The following MCTP1 variants were observed in gnomAD, a reference collection of about 807,000 sequenced individuals.
MCTP1 encodes multiple C2 and transmembrane domain-containing protein 1.
In MCTP1, 69 loss-of-function variants were observed where a neutral mutation model predicts 120.6. That is an observed-to-expected ratio of 0.57 (90% CI 0.47 to 0.70). The LOEUF (loss-of-function observed/expected upper bound fraction) is 0.70, where lower values mean the gene tolerates loss of function less well. MCTP1 is among the 30% of genes least tolerant of loss of function. The probability of loss-of-function intolerance (pLI) is 0.00; values close to 1 mark genes in which losing one functional copy is unlikely to be tolerated. For synonymous variants in MCTP1, 529 were observed against 493.1 expected, an observed-to-expected ratio of 1.07 and a Z score of -0.96; for missense variants, 1,203 against 1,248.8, an observed-to-expected ratio of 0.96 and a Z score of 0.55.
chr5:94,931,113 T>C (rs1814547129), intron 6 of MCTP1: 1 of 152,036 alleles, frequency 6.6e-6, no homozygotes, highest in Non-Finnish European at 1.5e-5. Context: ...TTTTGATATA[T>C]ATTAATTCAC....
chr5:95,283,744 C>T, intron 1 of MCTP1, 112 bp downstream of exon 1: 3 of 770,286 alleles, frequency 3.9e-6, no homozygotes, highest in Non-Finnish European at 5.5e-6. Context: ...GAATTAATAG[C>T]ATTTCTCCTC....
At chr5:95,074,733 G>C (rs1015385100) in intron 1 of MCTP1, among the ~76,000 whole-genome samples, 1 of 152,130 alleles carries the variant, frequency 6.6e-6, no homozygotes, top group Non-Finnish European at 1.5e-5. Context: ...TCTACGTAGG[G>C]CGTAAAATAT....
intron 1 of MCTP1, among the ~76,000 whole-genome samples, chr5:95,035,180 A>G (rs1014698311): frequency 2.6e-5 from 4 of 151,998 alleles, no homozygotes; most frequent in African/African-American, 4.8e-5. Flanking sequence ...CAAAGAACTA[A>G]AAATAAAGCT....
At chr5:94,920,272 GTTTTT>G (rs5869657) in intron 7 of MCTP1, among the ~76,000 whole-genome samples, 1 of 128,226 alleles carries the variant, frequency 7.8e-6, no homozygotes, top group Non-Finnish European at 1.7e-5. Flanking sequence ...ACAGAGACCT[GTTTTT>G]TTTTTTTTTT....
chr5:95,226,749 C>T (rs956597317), intron 1 of MCTP1, among the ~76,000 whole-genome samples: 1 of 152,090 alleles, frequency 6.6e-6, no homozygotes, highest in South Asian at 2.1e-4. Context: ...CAAATGTTCA[C>T]CAAAACCTAA....
At chr5:95,069,530 G>A in intron 1 of MCTP1, among the ~76,000 whole-genome samples, 1 of 152,156 alleles carries the variant, frequency 6.6e-6, no homozygotes, top group African/African-American at 2.4e-5. Flanking sequence ...ACCCGCAAGG[G>A]TGCAGAATCT....
chr5:95,011,613 ACT>A (rs141947399), intron 2 of MCTP1, among the ~76,000 whole-genome samples: 2 of 149,984 alleles, frequency 1.3e-5, no homozygotes, highest in African/African-American at 2.5e-5. Context: ...TTCCTCCCTC[ACT>A]CTCTCTCTCT....
intron 1 of MCTP1, among the ~76,000 whole-genome samples, chr5:95,098,660 T>G (rs564892167): frequency 6.6e-6 from 1 of 151,788 alleles, no homozygotes; most frequent in East Asian, 1.9e-4. Context: ...TGCTCATGGG[T>G]AGGAAGAATC....
At chr5:94,857,184 C>G (rs1490130470) in intron 17 of MCTP1, among the ~76,000 whole-genome samples, 1 of 151,688 alleles carries the variant, frequency 6.6e-6, no homozygotes, top group Non-Finnish European at 1.5e-5. Context: ...GCTTTAACTT[C>G]AAGTTTTGCT....
At position 94,909,407 on chromosome 5, in the gene MCTP1, T is replaced by G. The variant is rs116250510; in HGVS notation, c.1522-26A>C. Reference sequence around the variant, plus strand: ...CTGGAAAAAAAAATCATAATTGTCATATTGCTAGCAGCTTTTTAAAAAAAA... The same window carrying G: ...CTGGAAAAAAAAATCATAATTGTCAGATTGCTAGCAGCTTTTTAAAAAAAA... On this transcript the variant is annotated intron_variant, in intron 9 of 22. Coordinates refer to ENST00000515393, the MANE Select transcript of MCTP1 (RefSeq NM_024717.7). 2,039 of 1,568,048 alleles carry G rather than the reference T, an allele frequency of 1.3e-3. 18 individuals carry two copies. In the African/African-American group the frequency reaches 0.022, roughly 17 times the overall value.
At chr5:94,727,963 G>A (rs995574807) in intron 19 of MCTP1, among the ~76,000 whole-genome samples, 3 of 152,152 alleles carry the variant, frequency 2.0e-5, no homozygotes, top group Admixed American at 6.5e-5. Flanking sequence ...GGGGAACTAG[G>A]CCATCTTTCT....
rs72779483 is a variant in MCTP1 at position 95,173,113 on chromosome 5, C to T, written c.720+110743G>A. ...AAAGATTATTTTCTTGTATGGAGAT[C>T]GAAGACTCACAATGTTACTTTACCA... On this transcript the variant is annotated intron_variant, in intron 1 of 22. Transcript: ENST00000515393. Among the ~76,000 whole-genome samples, 357 of 152,102 alleles carry T rather than the reference C, an allele frequency of 2.3e-3. 1 individual carries two copies. The highest frequency in any genetic ancestry group is 4.6e-3 in the Non-Finnish European group (312 of 67,986).
chr5:94,925,631 A>C (rs1390430676), intron 6 of MCTP1, among the ~76,000 whole-genome samples: 1 of 152,082 alleles, frequency 6.6e-6, no homozygotes, highest in African/African-American at 2.4e-5. Flanking sequence ...GAATGGTCTC[A>C]ATCTCCTGAC....
intron 1 of MCTP1, among the ~76,000 whole-genome samples, chr5:95,116,937 T>C (rs1298308053): frequency 3.9e-5 from 6 of 152,154 alleles, no homozygotes; most frequent in Admixed American, 6.5e-5. Context: ...CTTTTGGGCT[T>C]AGACAATGGA....
chr5:95,176,984 C>T (rs1440744701), intron 1 of MCTP1, among the ~76,000 whole-genome samples: 1 of 151,696 alleles, frequency 6.6e-6, no homozygotes, highest in Non-Finnish European at 1.5e-5. Flanking sequence ...CCTGCCTCAG[C>T]CTCCCGAGTA....
chr5:94,787,515 C>G (rs918591384), intron 18 of MCTP1, among the ~76,000 whole-genome samples: 1 of 150,598 alleles, frequency 6.6e-6, no homozygotes, highest in Non-Finnish European at 1.5e-5. Context: ...CAAGGGAACT[C>G]TTCAAGAGAG....
At chr5:94,806,325 C>A (rs255336) in intron 17 of MCTP1, among the ~76,000 whole-genome samples, 130,101 of 152,094 alleles carry the variant, frequency 0.86, 55,954 homozygotes, top group African/African-American at 0.91. Context: ...AACAAACAAA[C>A]AAAAATCTGT....
chr5:95,020,830 C>T (rs1215133932), intron 1 of MCTP1, among the ~76,000 whole-genome samples: 2 of 151,958 alleles, frequency 1.3e-5, no homozygotes, highest in African/African-American at 2.4e-5. Flanking sequence ...TAACACTGCC[C>T]ATTAAATAAG....
chr5:94,709,517 T>A (rs1580185508), intron 21 of MCTP1: 1 of 152,010 alleles, frequency 6.6e-6, no homozygotes, highest in Non-Finnish European at 1.5e-5. Context: ...CAGAGATGAC[T>A]CCACAAGCCA....
Sources: allele counts gnomAD v4.1 joint callset (sites outside exome capture counted in the v4.1 genomes callset), GRCh38; gene constraint gnomAD v4.1.1; transcripts MANE v1.5; gene names NCBI Gene and HGNC (gene_info 2026-07-23, HGNC 2026-07-21).